EZR: variants seen among roughly 807,000 people sequenced by gnomAD.
EZR encodes ezrin, also known as cytovillin 2.
A neutral mutation model predicts 74.8 loss-of-function variants in EZR; 40 were observed. That is an observed-to-expected ratio of 0.53 (90% CI 0.42 to 0.70). The LOEUF (loss-of-function observed/expected upper bound fraction) is 0.70. Ranked by LOEUF, EZR falls within the 30% of genes least tolerant of loss-of-function variation. The pLI, the probability that EZR is intolerant of heterozygous loss-of-function variation, is 0.00. For missense variants in EZR, 678 were observed against 755.8 expected (o/e 0.90, Z 1.21); for synonymous variants, 341 against 283.3 (o/e 1.20, Z -2.05).
At chr6:158,804,967 T>C (rs1322592532) in intron 2 of EZR, among the ~76,000 whole-genome samples, 5 of 131,402 alleles carry the variant, frequency 3.8e-5, no homozygotes, top group East Asian at 4.6e-4. Flanking sequence ...CCTGTGTCCA[T>C]GTGATCTCAT....
At chr6:158,769,653 G>T (rs909910480) in intron 11 of EZR, 131 bp downstream of exon 11, 2 of 1,349,568 alleles carry the variant, frequency 1.5e-6, no homozygotes, top group Non-Finnish European at 2.1e-6. Flanking sequence ...CCCACCAGCT[G>T]CCTTCAGCCC....
chr6:158,776,275 T>C, intron 8 of EZR, 133 bp downstream of exon 8: 2 of 747,392 alleles, frequency 2.7e-6, no homozygotes, highest in Non-Finnish European at 4.7e-6. Flanking sequence ...CCACAGGATC[T>C]CTGGCCCTCA....
intron 2 of EZR, among the ~76,000 whole-genome samples, chr6:158,805,291 A>G (rs1777309948): frequency 6.9e-6 from 1 of 144,946 alleles, no homozygotes; most frequent in African/African-American, 2.6e-5. Context: ...GTGAGCCTAC[A>G]TGGCGCCACT....
At chr6:158,767,099 G>A (rs201285145) in intron 13 of EZR, 21 bp from the exon 14 acceptor site, 1 of 1,613,404 alleles carries the variant, frequency 6.2e-7, no homozygotes, top group Non-Finnish European at 8.5e-7. Context: ...AAGCAGCATT[G>A]GTCTAGTCCC....
At chr6:158,783,112 A>C (rs1185569814) in intron 7 of EZR, among the ~76,000 whole-genome samples, 3 of 152,106 alleles carry the variant, frequency 2.0e-5, no homozygotes, top group African/African-American at 7.2e-5. Context: ...GTCTCTCATC[A>C]CACCATCAAT....
Position 158,769,873 on chromosome 6 carries a change from G to A in EZR, c.1162C>T (p.Arg388Cys), listed in dbSNP as rs924800680. The A allele has an allele frequency of 1.3e-5, 21 of 1,613,512 alleles. No individual in the cohort carries two copies. The highest frequency in any genetic ancestry group is 1.7e-5 in the Non-Finnish European group (20 of 1,180,022). Residue 388 changes from arginine (R) to cysteine (C), a missense_variant, in exon 11 of 14, where the codon CGC becomes TGC. Transcript: ENST00000367075. ...ERKRAQEEAERLEADRMAALR... is the reference protein window; with the variant it reads ...ERKRAQEEAECLEADRMAALR... ...GCAGCCATACGGTCAGCCTCTAGGC[G>A]CTCGGCCTCCTCCTGTGCCCGCTTC...
In EZR at chr6:158,789,411, T is replaced by C. The variant is rs776598742; in HGVS notation, c.13-40A>G. ...GAAACAAATTACGCTTAACTGAGTA[T>C]TCTTTTCTTCTAATAACCTCCTGCA... On this transcript the variant is annotated intron_variant, in intron 2 of 13. Coordinates refer to ENST00000367075, the MANE Select transcript of EZR (RefSeq NM_001111077.2). The C allele has an allele frequency of 2.8e-5, 43 of 1,555,658 alleles. No individual in the cohort carries two copies. The Admixed American group carries it at 4.2e-4, about 15-fold the overall frequency.
chr6:158,801,925 A>G (rs1338109674), intron 2 of EZR, among the ~76,000 whole-genome samples: 6 of 152,228 alleles, frequency 3.9e-5, no homozygotes, highest in East Asian at 1.9e-4. Flanking sequence ...AGCTGCAGAC[A>G]CTGTGCGTTG....
At chr6:158,788,007 C>T (rs1037821587) in intron 3 of EZR, among the ~76,000 whole-genome samples, 1 of 152,120 alleles carries the variant, frequency 6.6e-6, no homozygotes, top group African/African-American at 2.4e-5. Context: ...TCATCTAAAC[C>T]GAGTCCCAGA....
intron 1 of EZR, among the ~76,000 whole-genome samples, chr6:158,818,857 G>T (rs898367119): frequency 7.7e-6 from 1 of 129,666 alleles, no homozygotes; most frequent in Non-Finnish European, 1.7e-5. Context: ...GGGCGGGGGG[G>T]CACTCGCTGG....
intron 2 of EZR, among the ~76,000 whole-genome samples, chr6:158,799,286 G>T (rs1263102755): frequency 6.6e-6 from 1 of 152,192 alleles, no homozygotes; most frequent in Non-Finnish European, 1.5e-5. Flanking sequence ...CTCAGGTTGG[G>T]AGGGGCCTAC....
chr6:158,798,081 A>G (rs1284896600), intron 2 of EZR, among the ~76,000 whole-genome samples: 2 of 152,248 alleles, frequency 1.3e-5, no homozygotes, highest in Admixed American at 6.5e-5. Flanking sequence ...ATTTTGTAAT[A>G]TGCAGTCTTT....
Position 158,770,876 on chromosome 6 carries a change from C to CGA in EZR, c.977_978insTC (p.Glu326AspfsTer16), listed in dbSNP as rs1457390339. 6.2e-7 allele frequency: 1 copy of CGA among 1,614,224 alleles called. No individual in the cohort carries two copies. Among genetic ancestry groups the CGA allele is most frequent in the South Asian group, 1.1e-5 (1 of 91,086 alleles). On this transcript the variant is annotated frameshift_variant, in exon 10 of 14. Transcript: ENST00000367075. LOFTEE classifies it high-confidence loss of function. ...TCTCCACGGTTTCTCTCCTTTTCTT[C>CGA]TCTGTTTCCAGCTGTTGCCTGGTGC...
intron 12 of EZR, among the ~76,000 whole-genome samples, chr6:158,767,893 C>T (rs1485591698): frequency 6.6e-6 from 1 of 152,110 alleles, no homozygotes; most frequent in East Asian, 1.9e-4. Context: ...GTCCTTCCAA[C>T]AGCTTCACAC....
rs60330512 is a variant in EZR at position 158,803,606 on chromosome 6, CATATATAT to C, written c.13-14243_13-14236del. Among the ~76,000 whole-genome samples, 59 of 36,048 alleles carry C rather than the reference CATATATAT, an allele frequency of 1.6e-3. 3 individuals are homozygous for C. Among genetic ancestry groups the C allele is most frequent in the Admixed American group, 1.9e-3 (5 of 2,642 alleles). 23.6% of individuals were successfully genotyped at this position (36,048 alleles called of 152,430 possible). A position where few individuals can be genotyped will look rare whatever the true frequency, so the allele number is the denominator to read the frequency against. ...ACATATATATATATATATATATATA[CATATATAT>C]ATATATATATACATATACATACATA... On this transcript the variant is annotated intron_variant, in intron 2 of 13. Transcript: ENST00000367075.
chr6:158,794,002 T>A (rs1003243386), intron 2 of EZR, among the ~76,000 whole-genome samples: 5 of 152,170 alleles, frequency 3.3e-5, no homozygotes, highest in African/African-American at 1.2e-4. Context: ...TGGGGCCACA[T>A]GCAGTGGTTC....
intron 2 of EZR, among the ~76,000 whole-genome samples, chr6:158,799,975 T>C (rs1777156857): frequency 6.6e-6 from 1 of 152,208 alleles, no homozygotes; most frequent in South Asian, 2.1e-4. Context: ...ATTATATCAA[T>C]GTAATTGCAA....
At chr6:158,800,962 C>T (rs1014327299) in intron 2 of EZR, among the ~76,000 whole-genome samples, 10 of 152,114 alleles carry the variant, frequency 6.6e-5, no homozygotes, top group African/African-American at 2.4e-4. Context: ...TAAAGAAGAA[C>T]ATGAGCGCAA....
intron 2 of EZR, among the ~76,000 whole-genome samples, chr6:158,804,578 C>T (rs1297237964): frequency 6.6e-6 from 1 of 152,160 alleles, no homozygotes; most frequent in Admixed American, 6.5e-5. Flanking sequence ...TTAGTAACTA[C>T]ACACATAAAC....
Sources: allele counts gnomAD v4.1 joint callset (sites outside exome capture counted in the v4.1 genomes callset), GRCh38; gene constraint gnomAD v4.1.1; transcripts MANE v1.5; gene names NCBI Gene and HGNC (gene_info 2026-07-23, HGNC 2026-07-21).